The following ARB2A variants were observed in gnomAD, a reference collection of about 807,000 sequenced individuals.
ARB2A encodes the protein cotranscriptional regulator ARB2A.
the ARB2A span, among the ~76,000 whole-genome samples, chr5:93,685,799 C>G: frequency 6.6e-6 from 1 of 152,182 alleles, no homozygotes; most frequent in African/African-American, 2.4e-5. Context: ...CCTCTTTCTA[C>G]TTTCCCAGGC....
At chr5:93,779,827 G>A in the ARB2A span, among the ~76,000 whole-genome samples, 1 of 152,100 alleles carries the variant, frequency 6.6e-6, no homozygotes, top group East Asian at 1.9e-4. Context: ...TTTTGTGGTT[G>A]TAAATTTTCC....
chr5:93,638,815 G>A, the ARB2A span, among the ~76,000 whole-genome samples: 3 of 151,896 alleles, frequency 2.0e-5, no homozygotes, highest in Non-Finnish European at 4.4e-5. Flanking sequence ...GGCAATAAGA[G>A]TGAAACTCTG....
the ARB2A span, among the ~76,000 whole-genome samples, chr5:94,055,087 T>A: frequency 6.6e-6 from 1 of 152,208 alleles, no homozygotes; most frequent in Non-Finnish European, 1.5e-5. Flanking sequence ...GTTCATATTG[T>A]AGGATGAGGC....
chr5:93,686,761 T>G, the ARB2A span, among the ~76,000 whole-genome samples: 1 of 152,110 alleles, frequency 6.6e-6, no homozygotes, highest in Non-Finnish European at 1.5e-5. Flanking sequence ...TACAAACAAA[T>G]CATCATCAAC....
chr5:94,082,224 G>T, the ARB2A span, among the ~76,000 whole-genome samples: 1 of 152,114 alleles, frequency 6.6e-6, no homozygotes, highest in Admixed American at 6.6e-5. Flanking sequence ...AAACCTGGTA[G>T]AAGCACTAAT....
chr5:93,742,932 C>G, the ARB2A span: 1 of 152,190 alleles, frequency 6.6e-6, no homozygotes, highest in Non-Finnish European at 1.5e-5. Context: ...GACTTTTGAA[C>G]TAGTTATCAA....
the ARB2A span, among the ~76,000 whole-genome samples, chr5:94,018,127 G>A: frequency 1.8e-4 from 28 of 152,238 alleles, no homozygotes; most frequent in South Asian, 8.3e-4. Context: ...TCTCGGGTAT[G>A]TCTTTATCAG....
At chr5:94,095,937 T>A in the ARB2A span, among the ~76,000 whole-genome samples, 1 of 152,156 alleles carries the variant, frequency 6.6e-6, no homozygotes, top group Non-Finnish European at 1.5e-5. Flanking sequence ...CAGAGTCTTA[T>A]CCCCGTTCAG....
the ARB2A span, among the ~76,000 whole-genome samples, chr5:93,712,156 G>A: frequency 3.3e-5 from 5 of 152,090 alleles, no homozygotes; most frequent in Admixed American, 3.3e-4. Flanking sequence ...TACTAGCTTG[G>A]GGTGATTGAA....
the ARB2A span, among the ~76,000 whole-genome samples, chr5:93,661,850 G>A: frequency 2.0e-5 from 3 of 152,026 alleles, no homozygotes; most frequent in African/African-American, 7.2e-5. Flanking sequence ...TGGCTGAAAA[G>A]TCAGGAAGTC....
At chr5:94,044,063 T>A in the ARB2A span, among the ~76,000 whole-genome samples, 2 of 152,220 alleles carry the variant, frequency 1.3e-5, no homozygotes, top group African/African-American at 4.8e-5. Flanking sequence ...CCCTGCTTAT[T>A]CCTGTGAATG....
At chr5:93,716,693 C>CAAAAAAAAAAAAAAAAAAAAAAAAAA in the ARB2A span, among the ~76,000 whole-genome samples, 1 of 36,692 alleles carries the variant, frequency 2.7e-5, no homozygotes, top group African/African-American at 7.9e-5. Context: ...ATAAGCTGTG[C>CAAAAAAAAAAAAAAAAAAAAAAAAAA]AAAAAAAAAA....
At chr5:93,877,739 G>A in the ARB2A span, among the ~76,000 whole-genome samples, 4 of 152,200 alleles carry the variant, frequency 2.6e-5, no homozygotes, top group African/African-American at 4.8e-5. Flanking sequence ...AGGGGTCATC[G>A]GTTATAGTGA....
the ARB2A span, among the ~76,000 whole-genome samples, chr5:93,994,840 A>G: frequency 6.6e-6 from 1 of 152,086 alleles, no homozygotes; most frequent in South Asian, 2.1e-4. Context: ...TGAGAGGCAG[A>G]GGTTGCAGTG....
At chr5:93,653,954 ATGAC>A in the ARB2A span, among the ~76,000 whole-genome samples, 595 of 152,350 alleles carry the variant, frequency 3.9e-3, 5 homozygotes, top group African/African-American at 0.014. Flanking sequence ...ACTTGAATGA[ATGAC>A]TGACTCAGAT....
the ARB2A span, among the ~76,000 whole-genome samples, chr5:93,728,744 G>A: frequency 6.6e-6 from 1 of 151,798 alleles, no homozygotes; most frequent in Non-Finnish European, 1.5e-5. Context: ...TATGACTTAG[G>A]CTATTTGACA....
chr5:93,729,368 G>A, the ARB2A span, among the ~76,000 whole-genome samples: 1 of 152,176 alleles, frequency 6.6e-6, no homozygotes, highest in Non-Finnish European at 1.5e-5. Context: ...GTGCTAATTA[G>A]ATATTTGGTC....
At chr5:93,848,278 G>T in the ARB2A span, among the ~76,000 whole-genome samples, 1 of 151,918 alleles carries the variant, frequency 6.6e-6, no homozygotes, top group Non-Finnish European at 1.5e-5. Flanking sequence ...AGCTACTCAG[G>T]AGGCTGAGGC....
the ARB2A span, among the ~76,000 whole-genome samples, chr5:93,900,140 T>C: frequency 6.6e-6 from 1 of 152,152 alleles, no homozygotes; most frequent in South Asian, 2.1e-4. Flanking sequence ...GTGTAGAACA[T>C]GGCATTAGGC....
Sources: gnomAD v4.1 joint callset for allele counts (sites outside exome capture counted in the v4.1 genomes callset) on GRCh38, gnomAD v4.1.1 for gene constraint, MANE v1.5 for transcripts, NCBI Gene and HGNC (gene_info 2026-07-23, HGNC 2026-07-21) for gene names.